The following ATOH8 variants were observed in gnomAD, a reference collection of about 807,000 sequenced individuals.
The protein encoded by ATOH8 is atonal bHLH transcription factor 8.
In ATOH8, 9 loss-of-function variants were observed where a neutral mutation model predicts 21.2. The observed-to-expected ratio is 0.42, with a 90% CI of 0.26 to 0.74. The LOEUF is 0.74. Among genes scored for constraint, ATOH8 ranks in the 30% least tolerant of loss-of-function variants. ATOH8 has a pLI of 0.24. For synonymous variants in ATOH8, 253 were observed against 224.0 expected (o/e 1.13, Z -1.16); for missense variants, 524 against 470.9 (o/e 1.11, Z -1.04).
rs888943360 is a variant in ATOH8, at chr2:85,754,023, G to A, written c.-167G>A. The A allele has an allele frequency of 4.2e-5, 31 of 740,150 alleles. No individual in the cohort carries two copies. The African/African-American group carries it at 5.9e-4, about 14-fold the overall frequency. 45.8% of individuals were successfully genotyped at this position (740,150 alleles called of 1,614,324 possible). A position where few individuals can be genotyped will look rare whatever the true frequency, so the allele number is the denominator to read the frequency against. ...ACTCTGAGCGCTCCGGGAACGGACA[G>A]CCCGGCGGCTTCCCGAAGCCGGCGG... On this transcript the variant is annotated 5_prime_UTR_variant, in exon 1 of 3. Transcript: ENST00000306279.
intron 2 of ATOH8, among the ~76,000 whole-genome samples, chr2:85,779,064 T>C (rs10207516): frequency 0.093 from 14,089 of 150,940 alleles, 702 homozygotes; most frequent in South Asian, 0.22. Flanking sequence ...CCTGGGTGCC[T>C]CCTCCAGCCT....
chr2:85,783,207 G>A (rs1334923555), intron 2 of ATOH8, among the ~76,000 whole-genome samples: 1 of 152,202 alleles, frequency 6.6e-6, no homozygotes, highest in Non-Finnish European at 1.5e-5. Context: ...GAGCAGCTGA[G>A]AGGGACCTGT....
chr2:85,773,131 C>T (rs887996660), intron 2 of ATOH8: 4 of 323,856 alleles, frequency 1.2e-5, no homozygotes, highest in Admixed American at 9.4e-5. Context: ...AATGTCTCCT[C>T]AGAGGGAGGG....
chr2:85,764,705 G>A (rs1173929939), intron 2 of ATOH8, among the ~76,000 whole-genome samples: 1 of 152,152 alleles, frequency 6.6e-6, no homozygotes, highest in Non-Finnish European at 1.5e-5. Context: ...TGAGCATACT[G>A]GGCAGGGGTA....
chr2:85,775,611 C>T (rs914426339), intron 2 of ATOH8, among the ~76,000 whole-genome samples: 1 of 152,174 alleles, frequency 6.6e-6, no homozygotes, highest in Non-Finnish European at 1.5e-5. Context: ...GTGGTTGCCA[C>T]AGCACCGAGC....
intron 1 of ATOH8, among the ~76,000 whole-genome samples, chr2:85,758,575 G>A (rs1679780753): frequency 6.6e-6 from 1 of 152,236 alleles, no homozygotes; most frequent in African/African-American, 2.4e-5. Flanking sequence ...CCCTCAGCAT[G>A]AGGAAGCCAG....
chr2:85,764,778 C>G (rs887900176), intron 2 of ATOH8, among the ~76,000 whole-genome samples: 5 of 152,134 alleles, frequency 3.3e-5, no homozygotes, highest in African/African-American at 7.2e-5. Flanking sequence ...GGGAGACCCT[C>G]TTGTAAGTAG....
At chr2:85,762,857 A>C (rs1164279203) in intron 1 of ATOH8, among the ~76,000 whole-genome samples, 2 of 152,098 alleles carry the variant, frequency 1.3e-5, no homozygotes, top group African/African-American at 4.8e-5. Flanking sequence ...CCGTCCCTGC[A>C]ATGCCCCCAC....
chr2:85,763,662 G>C (rs759150332), intron 1 of ATOH8, among the ~76,000 whole-genome samples: 3 of 152,162 alleles, frequency 2.0e-5, no homozygotes, highest in Non-Finnish European at 4.4e-5. Flanking sequence ...AGGAATCTCA[G>C]AGAGATTCCT....
At chr2:85,783,979 A>C (rs1426972661) in intron 2 of ATOH8, among the ~76,000 whole-genome samples, 1 of 151,996 alleles carries the variant, frequency 6.6e-6, no homozygotes, top group East Asian at 1.9e-4. Context: ...GGCGTCCTCC[A>C]CTGGGTCTTG....
rs1285177082 is a variant in ATOH8 at position 85,788,713 on chromosome 2, C to A, written c.*1823C>A. 6.6e-6 allele frequency among the ~76,000 whole-genome samples: 1 copy of A among 152,184 alleles called. No individual in the cohort carries two copies. The highest frequency in any genetic ancestry group is 2.4e-5 in the African/African-American group (1 of 41,446). ...GACACAGTTTGTCCCTTGGTTTCAC[C>A]AGTGTCACTTTCTCGTCTCTGCTGC... On this transcript the variant is annotated 3_prime_UTR_variant, in exon 3 of 3. Coordinates refer to ENST00000306279, the MANE Select transcript of ATOH8 (RefSeq NM_032827.7).
chr2:85,772,648 C>T (rs149676749), intron 2 of ATOH8: 29 of 452,360 alleles, frequency 6.4e-5, no homozygotes, highest in Middle Eastern at 3.3e-4. Context: ...TACAACAGCG[C>T]GAGCAGCTGG....
In ATOH8 at chr2:85,766,667, A is replaced by G. The variant is rs1204021828; in HGVS notation, c.960+2485A>G. ...CTTTGCAAGTGTGGGCATCTCAAGC[A>G]GCCAGATTCCTTTCCAGCTCAGGAC... On this transcript the variant is annotated intron_variant, in intron 2 of 2. Transcript: ENST00000306279. This position sits in a 1 kb window ranked among gnomAD's most constrained non-coding sequence, Gnocchi z 4.0. Among the ~76,000 whole-genome samples, 2 of 152,194 alleles carry G rather than the reference A, an allele frequency of 1.3e-5. No individual in the cohort carries two copies. The highest frequency in any genetic ancestry group is 2.9e-5 in the Non-Finnish European group (2 of 68,032).
At chr2:85,767,534 A>C in intron 2 of ATOH8, among the ~76,000 whole-genome samples, 1 of 131,686 alleles carries the variant, frequency 7.6e-6, no homozygotes, top group Non-Finnish European at 1.6e-5. Context: ...AGAGATGGGA[A>C]TCTCAAAGTG....
At chr2:85,780,958 C>G (rs1461305479) in intron 2 of ATOH8, 1 of 987,588 alleles carries the variant, frequency 1.0e-6, no homozygotes, top group African/African-American at 1.7e-5. Flanking sequence ...TCCATACTTG[C>G]TTCCAGGTCC....
chr2:85,777,713 C>G (rs1573535329), intron 2 of ATOH8, among the ~76,000 whole-genome samples: 2 of 152,202 alleles, frequency 1.3e-5, no homozygotes, highest in African/African-American at 4.8e-5. Context: ...GTGCAGGAGC[C>G]TGTTCTCCTA....
chr2:85,783,287 C>T (rs369059434), intron 2 of ATOH8, among the ~76,000 whole-genome samples: 7 of 152,204 alleles, frequency 4.6e-5, no homozygotes, highest in East Asian at 1.9e-4. Flanking sequence ...AGGACATCTT[C>T]GGATGGGCAC....
chr2:85,762,591 G>T (rs1209863905), intron 1 of ATOH8, among the ~76,000 whole-genome samples: 1 of 152,178 alleles, frequency 6.6e-6, no homozygotes, highest in African/African-American at 2.4e-5. Context: ...GCCCTATTAA[G>T]GGCAAGCTGT....
At chr2:85,776,581 G>A (rs1436454114) in intron 2 of ATOH8, among the ~76,000 whole-genome samples, 2 of 152,160 alleles carry the variant, frequency 1.3e-5, no homozygotes, top group Non-Finnish European at 2.9e-5. Flanking sequence ...GTGTGCTGGC[G>A]CGTCCGTAGG....
Sources: gnomAD v4.1 joint callset for allele counts (sites outside exome capture counted in the v4.1 genomes callset) on GRCh38, gnomAD v4.1.1 for gene constraint, Gnocchi (gnomAD v3.1) non-coding constraint, MANE v1.5 for transcripts, NCBI Gene and HGNC (gene_info 2026-07-23, HGNC 2026-07-21) for gene names.